EYA2: variants seen among roughly 807,000 people sequenced by gnomAD.
The protein encoded by EYA2 is EYA transcriptional coactivator and phosphatase 2.
In EYA2, 31 loss-of-function variants were observed where a neutral mutation model predicts 69.2. The observed-to-expected ratio is 0.45, with a 90% CI of 0.34 to 0.60. EYA2 has a LOEUF of 0.60. EYA2 is among the 20% of genes least tolerant of loss of function. The probability of loss-of-function intolerance (pLI) is 0.02; values close to 1 mark genes in which losing one functional copy is unlikely to be tolerated. For synonymous variants in EYA2, 257 were observed against 279.4 expected, an observed-to-expected ratio of 0.92 and a Z score of 0.80; for missense variants, 622 against 701.2, an observed-to-expected ratio of 0.89 and a Z score of 1.28.
chr20:47,016,183 A>G lies in EYA2; in HGVS notation c.301A>G (p.Ile101Val), dbSNP rs146537659. Residue 101 changes from isoleucine (I) to valine (V), a missense_variant and splice_region_variant, in exon 5 of 16, where the codon ATC (isoleucine) becomes GTC (valine). By Grantham distance (29) the Ile-to-Val change is conservative. This residue lies in a region of EYA2 where 365 missense variants were observed against 349.7 expected (regional missense o/e 1.04). Transcript: ENST00000327619. ...AQAYGIPSYSIKTEDSLNHSP... is the reference protein window; with the variant it reads ...AQAYGIPSYSVKTEDSLNHSP... Reference sequence around the variant, plus strand: ...TTTTTCCCCCTCTTCCTTCAAAGGCATCAAGACAGAAGACAGCTTGAACCA... The same window carrying G: ...TTTTTCCCCCTCTTCCTTCAAAGGCGTCAAGACAGAAGACAGCTTGAACCA... 36 of 1,612,984 alleles carry G rather than the reference A, an allele frequency of 2.2e-5. No homozygotes were observed. In the Admixed American group the frequency reaches 5.2e-4, roughly 23 times the overall value.
chr20:47,050,904 GC>G (rs756351903), intron 5 of EYA2, among the ~76,000 whole-genome samples: 4 of 152,258 alleles, frequency 2.6e-5, no homozygotes, highest in Non-Finnish European at 5.9e-5. Flanking sequence ...GAGGCTCCTT[GC>G]CCCGCTGGGA....
At chr20:46,975,263 G>T (rs1410073801) in intron 1 of EYA2, among the ~76,000 whole-genome samples, 1 of 152,200 alleles carries the variant, frequency 6.6e-6, no homozygotes, top group Non-Finnish European at 1.5e-5. Context: ...CTTTGACATT[G>T]TACTATGGTT....
intron 1 of EYA2, among the ~76,000 whole-genome samples, chr20:46,962,302 C>T (rs1317470182): frequency 2.6e-5 from 4 of 152,184 alleles, no homozygotes; most frequent in African/African-American, 9.7e-5. Flanking sequence ...TTTGGAATTA[C>T]AGGCATGAGC....
intron 10 of EYA2, among the ~76,000 whole-genome samples, chr20:47,146,419 T>C (rs1160008279): frequency 2.0e-5 from 3 of 152,174 alleles, no homozygotes; most frequent in Non-Finnish European, 4.4e-5. Flanking sequence ...GCTGTTTCTG[T>C]CTGGCCCCTG....
intron 5 of EYA2, among the ~76,000 whole-genome samples, chr20:47,033,965 T>C (rs1984556703): frequency 6.6e-6 from 1 of 152,222 alleles, no homozygotes; most frequent in African/African-American, 2.4e-5. Context: ...CTCAAAGTCA[T>C]TGGGTCACAT....
intron 9 of EYA2, among the ~76,000 whole-genome samples, chr20:47,128,212 T>C (rs2146571612): frequency 6.6e-6 from 1 of 152,278 alleles, no homozygotes; most frequent in East Asian, 1.9e-4. Context: ...AGGCAGCAAA[T>C]GGCAGCTGAC....
chr20:46,997,411 C>T (rs1392052113), intron 2 of EYA2, among the ~76,000 whole-genome samples: 3 of 152,142 alleles, frequency 2.0e-5, no homozygotes, highest in African/African-American at 7.2e-5. Context: ...CTCAGCTGAT[C>T]CCTCTCTCCT....
Position 46,902,745 on chromosome 20 carries a change from T to A in EYA2, c.-11+7758T>A, listed in dbSNP as rs533689794. On this transcript the variant is annotated intron_variant, in intron 1 of 15. Coordinates refer to ENST00000327619, the MANE Select transcript of EYA2 (RefSeq NM_005244.5). ...TTGAATCTGCCCTTGTAGAAATGAA[T>A]GAATGTTTCAAGCTGGACCTATGGA... Among the ~76,000 whole-genome samples, 3 of 152,332 alleles carry A rather than the reference T, an allele frequency of 2.0e-5. No individual in the cohort carries two copies. The South Asian group carries it at 6.2e-4, about 32-fold the overall frequency.
intron 3 of EYA2, among the ~76,000 whole-genome samples, chr20:47,004,707 A>G (rs890655428): frequency 6.6e-6 from 1 of 152,200 alleles, no homozygotes; most frequent in African/African-American, 2.4e-5. Flanking sequence ...ATCTGCTTAC[A>G]TTCTACGGGG....
intron 1 of EYA2, among the ~76,000 whole-genome samples, chr20:46,923,533 T>C (rs1293515270): frequency 6.6e-6 from 1 of 152,210 alleles, no homozygotes; most frequent in Admixed American, 6.5e-5. Flanking sequence ...GTTAAAATAT[T>C]GTGTCAGTGT....
chr20:47,154,819 T>TTG (rs11472542), intron 10 of EYA2, among the ~76,000 whole-genome samples: 34,970 of 140,610 alleles, frequency 0.25, 4,577 homozygotes, highest in East Asian at 0.41. Context: ...TTATTTTGTT[T>TTG]TGTGTGTGTG....
At chr20:47,037,531 C>A (rs972074592) in intron 5 of EYA2, among the ~76,000 whole-genome samples, 1 of 152,190 alleles carries the variant, frequency 6.6e-6, no homozygotes, top group African/African-American at 2.4e-5. Context: ...TGTTATCTTA[C>A]CATTTTGGAT....
intron 1 of EYA2, among the ~76,000 whole-genome samples, chr20:46,988,838 G>C (rs1981462325): frequency 6.6e-6 from 1 of 152,124 alleles, no homozygotes; most frequent in Admixed American, 6.5e-5. Context: ...GAGTAGCTGG[G>C]ACTACAGGCA....
intron 10 of EYA2, among the ~76,000 whole-genome samples, chr20:47,162,095 C>T (rs57237644): frequency 0.018 from 2,811 of 152,256 alleles, 95 homozygotes; most frequent in African/African-American, 0.064. Context: ...GAACATGTCA[C>T]CCGGTCTCTG....
chr20:47,183,484 CG>C, intron 15 of EYA2, 93 bp downstream of exon 15: 2 of 1,157,048 alleles, frequency 1.7e-6, no homozygotes, highest in Non-Finnish European at 2.5e-6. Flanking sequence ...CTCCACTCCC[CG>C]TGGCTGGCTG....
At chr20:47,041,501 C>G (rs971442626) in intron 5 of EYA2, among the ~76,000 whole-genome samples, 1 of 152,174 alleles carries the variant, frequency 6.6e-6, no homozygotes, top group African/African-American at 2.4e-5. Flanking sequence ...AAAACCTAAC[C>G]CTAAACCTAC....
intron 1 of EYA2, among the ~76,000 whole-genome samples, chr20:46,927,537 G>C (rs994105808): frequency 1.8e-5 from 2 of 113,690 alleles, no homozygotes; most frequent in Admixed American, 8.3e-5. Context: ...AAGGCAAAAG[G>C]GCACATCTTA....
At chr20:46,968,765 G>A (rs1979945835) in intron 1 of EYA2, among the ~76,000 whole-genome samples, 1 of 152,082 alleles carries the variant, frequency 6.6e-6, no homozygotes, top group African/African-American at 2.4e-5. Flanking sequence ...CCTCTGGGCA[G>A]CAAAATCCCA....
intron 14 of EYA2, among the ~76,000 whole-genome samples, chr20:47,182,017 C>T (rs534389793): frequency 6.6e-6 from 1 of 151,650 alleles, no homozygotes; most frequent in African/African-American, 2.4e-5. Context: ...CCATCTTAAC[C>T]TTTTTTCTTT....
Sources: allele counts gnomAD v4.1 joint callset (sites outside exome capture counted in the v4.1 genomes callset), GRCh38; gene constraint gnomAD v4.1.1; regional missense constraint gnomAD v4.1.1; transcripts MANE v1.5; gene names NCBI Gene and HGNC (gene_info 2026-07-23, HGNC 2026-07-21).